The following ARHGAP25 variants were observed in gnomAD, a reference collection of about 807,000 sequenced individuals.
The protein encoded by ARHGAP25 is rho GTPase-activating protein 25.
In ARHGAP25, 34 loss-of-function variants were observed where a neutral mutation model predicts 71.0. The ratio of observed to expected loss-of-function variants is 0.48; its 90% CI spans 0.36 to 0.64. The LOEUF (loss-of-function observed/expected upper bound fraction) is 0.64. ARHGAP25 is among the 30% of genes least tolerant of loss of function. The probability of loss-of-function intolerance (pLI) is 0.00; values close to 1 mark genes in which losing one functional copy is unlikely to be tolerated. For missense variants in ARHGAP25, 706 were observed against 805.1 expected, an observed-to-expected ratio of 0.88 and a Z score of 1.49; for synonymous variants, 282 against 296.5, an observed-to-expected ratio of 0.95 and a Z score of 0.50.
rs1573498050 is a variant in ARHGAP25, at chr2:68,775,049, T to A, written c.62-172T>A. ...GACCGGGAGCTGGCCCCTCGGCTGC[T>A]TCTCTGGCTCGGGGGGGACTTTCTC... On this transcript the variant is annotated intron_variant, in intron 1 of 10. Transcript: ENST00000409202. The A allele has an allele frequency of 4.9e-5, 75 of 1,521,246 alleles. No homozygotes were observed. In the South Asian group the frequency reaches 9.6e-4, roughly 19 times the overall value. The allele number at this position is 1,521,246 out of a possible 1,614,324, so 94.2% of individuals were successfully genotyped here. A position where few individuals can be genotyped will look rare whatever the true frequency, so the allele number is the denominator to read the frequency against.
rs1319520740 is a variant in ARHGAP25, at chr2:68,720,328, A to AG, written c.-18+9630_-18+9631insG. Reference sequence around the variant, plus strand: ...GAAACATTTCAGTCAAAAAAAAAAAAAAAAAGAAAAGAAAAGAAAAGAAAA... The same window carrying AG: ...GAAACATTTCAGTCAAAAAAAAAAAAGAAAAAGAAAAGAAAAGAAAAGAAAA... On this transcript the variant is annotated intron_variant and NMD_transcript_variant, in intron 2 of 7. Transcript: ENST00000463483. 5.9e-3 allele frequency among the ~76,000 whole-genome samples: 892 copies of AG among 150,348 alleles called. 5 individuals carry two copies. The highest frequency in any genetic ancestry group is 0.021 in the African/African-American group (843 of 40,892).
intron 3 of ARHGAP25, among the ~76,000 whole-genome samples, chr2:68,783,884 T>C (rs527525841): frequency 3.7e-4 from 56 of 152,310 alleles, no homozygotes; most frequent in African/African-American, 1.3e-3. Context: ...ACAAAGGTTA[T>C]TCTGTTCTTA....
At chr2:68,797,570 G>A (rs1421410488) in intron 4 of ARHGAP25, among the ~76,000 whole-genome samples, 2 of 152,160 alleles carry the variant, frequency 1.3e-5, no homozygotes, top group African/African-American at 2.4e-5. Context: ...CCAGTGGCTG[G>A]AGCCCACTCC....
intron 9 of ARHGAP25, among the ~76,000 whole-genome samples, chr2:68,819,996 G>T (rs1681525488): frequency 6.6e-6 from 1 of 152,148 alleles, no homozygotes; most frequent in African/African-American, 2.4e-5. Context: ...CCAAAAAATG[G>T]ATTTCAAATT....
intron 1 of ARHGAP25, among the ~76,000 whole-genome samples, chr2:68,763,249 T>C (rs1676932246): frequency 6.6e-6 from 1 of 152,226 alleles, no homozygotes; most frequent in Non-Finnish European, 1.5e-5. Context: ...AAAATTTTCA[T>C]AAACTTCACA....
At chr2:68,722,461 C>T (rs1168238500) in intron 2 of ARHGAP25, among the ~76,000 whole-genome samples, 1 of 151,876 alleles carries the variant, frequency 6.6e-6, no homozygotes, top group Non-Finnish European at 1.5e-5. Context: ...ACCTGTAATC[C>T]CAGCTATTCG....
At chr2:68,777,124 A>G (rs911001225) in intron 2 of ARHGAP25, among the ~76,000 whole-genome samples, 3 of 152,112 alleles carry the variant, frequency 2.0e-5, no homozygotes, top group African/African-American at 7.2e-5. Context: ...TATTAAAGCC[A>G]AGCAATTCCA....
intron 1 of ARHGAP25, among the ~76,000 whole-genome samples, chr2:68,751,810 C>T (rs1558613982): frequency 6.6e-6 from 1 of 152,192 alleles, no homozygotes; most frequent in African/African-American, 2.4e-5. Flanking sequence ...AATCCAAGAG[C>T]GACAGCTAAC....
upstream of ARHGAP25, among the ~76,000 whole-genome samples, chr2:68,732,832 C>A (rs1256838314): frequency 6.6e-6 from 1 of 152,194 alleles, no homozygotes; most frequent in African/African-American, 2.4e-5. Flanking sequence ...TCCTTTCATT[C>A]CTGAAGACAG....
chr2:68,795,087 T>C (rs146946848), intron 4 of ARHGAP25, among the ~76,000 whole-genome samples: 1 of 152,274 alleles, frequency 6.6e-6, no homozygotes, highest in Non-Finnish European at 1.5e-5. Context: ...TCTCTGATGA[T>C]CTTTTGTATT....
chr2:68,817,618 T>C (rs1348825576), intron 7 of ARHGAP25, among the ~76,000 whole-genome samples: 3 of 152,164 alleles, frequency 2.0e-5, no homozygotes, highest in Non-Finnish European at 4.4e-5. Flanking sequence ...GGATCTTGCC[T>C]CCTGCTTATG....
chr2:68,801,239 A>G (rs1679940734), intron 4 of ARHGAP25, among the ~76,000 whole-genome samples: 1 of 152,206 alleles, frequency 6.6e-6, no homozygotes, highest in Non-Finnish European at 1.5e-5. Flanking sequence ...GCAGATGTCA[A>G]GTTCAAAGTC....
At position 68,767,730 on chromosome 2, in the gene ARHGAP25, A is replaced by G. The variant is rs1036949187; in HGVS notation, c.62-7491A>G. ...AATATGTCCGTTTTCTTGTTGGGGTATCAGCACAGCCTCAGTGGTGGGCTT... is the reference window on the plus strand; with the variant it reads ...AATATGTCCGTTTTCTTGTTGGGGTGTCAGCACAGCCTCAGTGGTGGGCTT... On this transcript the variant is annotated intron_variant, in intron 1 of 10. Coordinates refer to ENST00000409202, the MANE Select transcript of ARHGAP25 (RefSeq NM_001007231.3). The surrounding 1 kb of genome is among the most constrained non-coding windows in gnomAD (Gnocchi z 4.6). Among the ~76,000 whole-genome samples the G allele has an allele frequency of 6.6e-6, 1 of 152,164 alleles. No homozygotes were observed. The highest frequency in any genetic ancestry group is 1.5e-5 in the Non-Finnish European group (1 of 68,032).
At chr2:68,747,486 G>A (rs771641379) in intron 1 of ARHGAP25, among the ~76,000 whole-genome samples, 11 of 152,286 alleles carry the variant, frequency 7.2e-5, no homozygotes, top group South Asian at 4.2e-4. Context: ...AGCTGGCTCC[G>A]GTCCCAGGGC....
rs543805277 is a variant in ARHGAP25 at position 68,822,710 on chromosome 2, C to A, written c.1571C>A (p.Ala524Asp). ...GEEASALSSQ[A>D]CDSKGDTLAS... is the part of the protein sequence containing the mutation. ...GAAGCCAGTGCACTCTCTTCCCAAG[C>A]CTGTGACTCCAAGGGAGATACTCTT... Residue 524 changes from alanine to aspartate, a missense_variant, in exon 10 of 11, where the codon GCC becomes GAC. Coordinates refer to ENST00000409202, the MANE Select transcript of ARHGAP25 (RefSeq NM_001007231.3). The A allele has an allele frequency of 2.1e-5, 34 of 1,614,162 alleles. No homozygotes were observed. The African/African-American group carries it at 3.2e-4, about 15-fold the overall frequency.
Position 68,816,299 on chromosome 2 carries a change from A to C in ARHGAP25, c.818A>C (p.Glu273Ala). The change falls in exon 7 of 11, where the codon GAG becomes GCG. Residue 273 changes from glutamate (E) to alanine (A), a missense_variant. Physicochemically the swap from Glu to Ala is moderately radical, Grantham distance 107. Coordinates refer to ENST00000409202, the MANE Select transcript of ARHGAP25 (RefSeq NM_001007231.3). ...TAAATCTCTTCCCAGGCTCAGCAGG[A>C]GTTGATGAAGCAGCTCTCCATCCTT... ...TNADEAKAQQ[E>A]LMKQLSILPR... 1 of 1,613,582 alleles carries C rather than the reference A, an allele frequency of 6.2e-7. No individual in the cohort carries two copies. The highest frequency in any genetic ancestry group is 8.5e-7 in the Non-Finnish European group (1 of 1,179,572).
chr2:68,728,519 A>T (rs1390107470), intron 2 of ARHGAP25, among the ~76,000 whole-genome samples: 1 of 152,192 alleles, frequency 6.6e-6, no homozygotes, highest in East Asian at 1.9e-4. Flanking sequence ...TAATAAAAAA[A>T]AAACTTGCTT....
chr2:68,750,203 G>A (rs1263044991), intron 1 of ARHGAP25, among the ~76,000 whole-genome samples: 1 of 147,860 alleles, frequency 6.8e-6, no homozygotes, highest in African/African-American at 2.5e-5. Context: ...GTAGAGATGA[G>A]GTCTTGCTCT....
Position 68,718,146 on chromosome 2 carries a change from T to TAA in ARHGAP25, c.-18+7461_-18+7462dup, listed in dbSNP as rs4071640. ...GGAACTTAGTTAAGGGCAGATTTGTTAAAAAAAAAAAAAAGTATCTTCTTT... is the reference window on the plus strand; with the variant it reads ...GGAACTTAGTTAAGGGCAGATTTGTTAAAAAAAAAAAAAAAAGTATCTTCTTT... On this transcript the variant is annotated intron_variant and NMD_transcript_variant, in intron 2 of 7. Transcript: ENST00000463483. Among the ~76,000 whole-genome samples the TAA allele has an allele frequency of 1.0e-2, 1,445 of 144,788 alleles. 28 individuals carry two copies. The highest frequency in any genetic ancestry group is 0.032 in the African/African-American group (1,268 of 39,338). 95.0% of individuals were successfully genotyped at this position (144,788 alleles called of 152,430 possible).
Sources: gnomAD v4.1 joint callset for allele counts (sites outside exome capture counted in the v4.1 genomes callset) on GRCh38, gnomAD v4.1.1 for gene constraint, Gnocchi (gnomAD v3.1) non-coding constraint, MANE v1.5 for transcripts, NCBI Gene and HGNC (gene_info 2026-07-23, HGNC 2026-07-21) for gene names.